Variants in DNAH7 observed in about 807,000 individuals in gnomAD.
DNAH7 encodes the protein dynein axonemal heavy chain 7.
In DNAH7, 397 loss-of-function variants were observed where a neutral mutation model predicts 444.6. The observed-to-expected ratio is 0.89, with a 90% CI of 0.82 to 0.97. The LOEUF is 0.97. DNAH7 is among the 50% of genes least tolerant of loss of function. DNAH7 has a pLI of 0.00. For missense variants in DNAH7, 4,902 were observed against 4,800.8 expected (o/e 1.02, Z -0.62); for synonymous variants, 1,636 against 1,624.4 (o/e 1.01, Z -0.17).
chr2:196,031,496 A>AT (rs1184297809), intron 5 of DNAH7, among the ~76,000 whole-genome samples: 10 of 152,070 alleles, frequency 6.6e-5, no homozygotes, highest in African/African-American at 9.7e-5. Context: ...TGAAAATAAG[A>AT]TTTTTTTTCC....
Position 195,957,270 on chromosome 2 carries a change from A to T in DNAH7, c.3069T>A (p.Ser1023Arg). 6.5e-7 allele frequency: 1 copy of T among 1,531,406 alleles called. No individual in the cohort carries two copies. The highest frequency in any genetic ancestry group is 8.9e-7 in the Non-Finnish European group (1 of 1,128,474). 94.9% of individuals were successfully genotyped at this position (1,531,406 alleles called of 1,614,324 possible). A position where few individuals can be genotyped will look rare whatever the true frequency, so the allele number is the denominator to read the frequency against. ...VDKTWRDIMR[S>R]VMQDKHVLTV... ...AGATTTTTTCACCTACCTGCATGAC[A>T]CTTCTCATTATATCTCTCCATGTCT... Residue 1023 changes from serine to arginine, a missense_variant, in exon 19 of 65, where the codon AGT (serine) becomes AGA (arginine). Physicochemically the swap from Ser to Arg is moderately radical, Grantham distance 110 (BLOSUM62 -1). Coordinates refer to ENST00000312428, the MANE Select transcript of DNAH7 (RefSeq NM_018897.3).
chr2:195,781,378 CCT>C lies in DNAH7; in HGVS notation c.10879-3395_10879-3394del, dbSNP rs1483370623. Among the ~76,000 whole-genome samples the C allele has an allele frequency of 5.3e-5, 8 of 152,198 alleles. No individual in the cohort carries two copies. The East Asian group carries it at 1.5e-3, about 29-fold the overall frequency. On this transcript the variant is annotated intron_variant, in intron 58 of 64. Transcript: ENST00000312428. ...AAGGGTTAAACTTGGCCAACATGCC[CCT>C]GAGAGTCCATGAGGTAAATGCTATC...
chr2:195,816,167 T>C (rs1697209603), intron 51 of DNAH7, among the ~76,000 whole-genome samples: 1 of 152,162 alleles, frequency 6.6e-6, no homozygotes, highest in African/African-American at 2.4e-5. Flanking sequence ...ATAAGAATAA[T>C]AGAAAAGAAG....
At chr2:195,747,113 A>C (rs867917736) in intron 63 of DNAH7, among the ~76,000 whole-genome samples, 11 of 152,128 alleles carry the variant, frequency 7.2e-5, no homozygotes, top group African/African-American at 2.7e-4. Flanking sequence ...AAGACTAATA[A>C]AGAAGAAAAG....
intron 19 of DNAH7, among the ~76,000 whole-genome samples, chr2:195,952,817 A>C (rs1690356184): frequency 6.6e-6 from 1 of 152,066 alleles, no homozygotes; most frequent in African/African-American, 2.4e-5. Context: ...TGGTTATTCT[A>C]GTTAGCAATT....
At chr2:195,921,791 C>T (rs954860041) in intron 24 of DNAH7, among the ~76,000 whole-genome samples, 3 of 152,016 alleles carry the variant, frequency 2.0e-5, no homozygotes, top group African/African-American at 7.2e-5. Context: ...TTCAAGGGAA[C>T]AATAAAATGA....
intron 61 of DNAH7, among the ~76,000 whole-genome samples, chr2:195,770,596 C>G (rs1355462666): frequency 6.6e-6 from 1 of 152,174 alleles, no homozygotes; most frequent in African/African-American, 2.4e-5. Context: ...ATTTAGGTCT[C>G]TCTCCAAGAG....
chr2:196,047,359 C>G lies in DNAH7; in HGVS notation c.391G>C (p.Val131Leu). The change falls in exon 5 of 65, where the codon GTC (valine) becomes CTC (leucine). Residue 131 changes from valine (V) to leucine (L), a missense_variant. By Grantham distance (32) the Val-to-Leu change is conservative. Coordinates refer to ENST00000312428, the MANE Select transcript of DNAH7 (RefSeq NM_018897.3). ...TTAGCCTATACAACTTACATAATGA[C>G]ATTAACAAGAGTACTTCTAAAGTTT... ...RENFRSTLVN[V>L]IMQQDADLDS... 6.3e-7 allele frequency: 1 copy of G among 1,592,016 alleles called. No homozygotes were observed. Among genetic ancestry groups the G allele is most frequent in the Non-Finnish European group, 8.6e-7 (1 of 1,168,432 alleles).
chr2:195,943,637 T>C (rs1270651078), intron 19 of DNAH7, among the ~76,000 whole-genome samples: 1 of 152,180 alleles, frequency 6.6e-6, no homozygotes, highest in Non-Finnish European at 1.5e-5. Context: ...TAGTCTCCGA[T>C]AGTAATTCCT....
At chr2:195,753,522 C>A (rs1693911790) in intron 63 of DNAH7, among the ~76,000 whole-genome samples, 1 of 152,104 alleles carries the variant, frequency 6.6e-6, no homozygotes, top group South Asian at 2.1e-4. Context: ...ATCTCCAGTG[C>A]CTGATAGAAG....
chr2:195,947,104 T>A (rs954562160), intron 19 of DNAH7, among the ~76,000 whole-genome samples: 1 of 147,914 alleles, frequency 6.8e-6, no homozygotes, highest in Non-Finnish European at 1.5e-5. Flanking sequence ...TATATAATTA[T>A]AATATATATA....
chr2:195,923,886 A>AT, intron 22 of DNAH7, 79 bp from the exon 23 acceptor site: 1 of 1,190,486 alleles, frequency 8.4e-7, no homozygotes, highest in East Asian at 2.5e-5. Flanking sequence ...ACTAGTATAT[A>AT]TACAGATTAT....
intron 12 of DNAH7, among the ~76,000 whole-genome samples, chr2:195,997,254 T>C (rs1693752750): frequency 6.6e-6 from 1 of 152,202 alleles, no homozygotes; most frequent in Non-Finnish European, 1.5e-5. Flanking sequence ...GGCTCATGCC[T>C]GTAATCCCAG....
chr2:195,778,652 A>T (rs1695209666), intron 58 of DNAH7, among the ~76,000 whole-genome samples: 1 of 98,310 alleles, frequency 1.0e-5, no homozygotes, highest in Non-Finnish European at 1.9e-5. Context: ...AAATATATAT[A>T]TATATATATA....
At chr2:195,830,627 G>A (rs1025719474) in intron 48 of DNAH7, among the ~76,000 whole-genome samples, 12 of 152,192 alleles carry the variant, frequency 7.9e-5, no homozygotes, top group Non-Finnish European at 1.6e-4. Flanking sequence ...GTACTTCATT[G>A]AAGGGGTCGA....
At position 195,808,735 on chromosome 2, in the gene DNAH7, G is replaced by A. The variant is rs775792181; in HGVS notation, c.10030C>T (p.Arg3344Cys). The change falls in exon 53 of 65, where the codon CGT becomes TGT. Residue 3344 changes from arginine to cysteine, a missense_variant. Transcript: ENST00000312428. ...LDDLPAFKTI[R>C]REFMRLKDGW... ...TCCTTTAAGCGCATAAACTCTCTAC[G>A]AATGGTTTTGAAGGCAGGCAAATCA... 20 of 1,613,904 alleles carry A rather than the reference G, an allele frequency of 1.2e-5. No individual in the cohort carries two copies. The highest frequency in any genetic ancestry group is 5.5e-5 in the South Asian group (5 of 91,068).
chr2:195,941,469 A>C (rs903635544), intron 19 of DNAH7, among the ~76,000 whole-genome samples: 2 of 150,880 alleles, frequency 1.3e-5, no homozygotes, highest in South Asian at 2.1e-4. Context: ...AAAAAAAAAA[A>C]CCTAGATGAC....
chr2:195,863,013 G>A (rs559931979), intron 41 of DNAH7, among the ~76,000 whole-genome samples: 7 of 152,276 alleles, frequency 4.6e-5, no homozygotes, highest in African/African-American at 1.7e-4. Flanking sequence ...TCCAGCCAGG[G>A]TGACAAGAGT....
intron 7 of DNAH7, among the ~76,000 whole-genome samples, chr2:196,026,024 T>C (rs1295745314): frequency 6.6e-6 from 1 of 152,168 alleles, no homozygotes; most frequent in Non-Finnish European, 1.5e-5. Context: ...TGGTAATCAG[T>C]CAGCCTTAGA....
Sources: allele counts gnomAD v4.1 joint callset (sites outside exome capture counted in the v4.1 genomes callset), GRCh38; gene constraint gnomAD v4.1.1; transcripts MANE v1.5; gene names NCBI Gene and HGNC (gene_info 2026-07-23, HGNC 2026-07-21).